PDZD2: variants seen among roughly 807,000 people sequenced by gnomAD.
PDZD2 encodes the protein PDZ domain-containing protein 2.
In PDZD2, 90 loss-of-function variants were observed where a neutral mutation model predicts 220.7. The ratio of observed to expected loss-of-function variants is 0.41; its 90% CI spans 0.34 to 0.49. The LOEUF is 0.49. Ranked by LOEUF, PDZD2 falls within the 20% of genes least tolerant of loss-of-function variation. PDZD2 has a pLI of 0.28. For synonymous variants in PDZD2, 1,375 were observed against 1,450.5 expected (o/e 0.95, Z 1.18); for missense variants, 3,174 against 3,608.5 (o/e 0.88, Z 3.08).
At chr5:31,825,070 C>T (rs963423107) in intron 2 of PDZD2, among the ~76,000 whole-genome samples, 3 of 152,196 alleles carry the variant, frequency 2.0e-5, no homozygotes, top group African/African-American at 7.2e-5. Context: ...CGCATCCCCA[C>T]CTCCACCTCC....
At chr5:31,879,036 C>T (rs900232145) in intron 2 of PDZD2, among the ~76,000 whole-genome samples, 3 of 151,920 alleles carry the variant, frequency 2.0e-5, no homozygotes, top group East Asian at 1.9e-4. Context: ...TGGGGGTGGC[C>T]ACCCGTTTAT....
At chr5:32,002,905 C>CACA (rs1752348718) in intron 5 of PDZD2, among the ~76,000 whole-genome samples, 11 of 17,830 alleles carry the variant, frequency 6.2e-4, no homozygotes, top group Admixed American at 1.7e-3. Context: ...ACACACACCC[C>CACA]CACCACACAC....
chr5:31,744,669 A>T (rs1225779601), intron 1 of PDZD2, among the ~76,000 whole-genome samples: 2 of 151,958 alleles, frequency 1.3e-5, no homozygotes, highest in Non-Finnish European at 2.9e-5. Flanking sequence ...CCTTTTTTGC[A>T]TGCATAATTA....
chr5:32,105,514 T>C (rs1271951467), intron 24 of PDZD2, among the ~76,000 whole-genome samples: 1 of 152,208 alleles, frequency 6.6e-6, no homozygotes, highest in East Asian at 1.9e-4. Context: ...TAAATTTCTA[T>C]CTGTAGCAGA....
chr5:31,920,103 A>T (rs146299987), intron 2 of PDZD2, among the ~76,000 whole-genome samples: 1 of 151,254 alleles, frequency 6.6e-6, no homozygotes, highest in East Asian at 2.0e-4. Context: ...GGGCAACGTG[A>T]CAAAACCACG....
chr5:31,824,667 C>T (rs1476225025), intron 2 of PDZD2, among the ~76,000 whole-genome samples: 1 of 146,230 alleles, frequency 6.8e-6, no homozygotes, highest in Non-Finnish European at 1.5e-5. Context: ...AATGTCAGTG[C>T]ATTACCTGTC....
intron 1 of PDZD2, among the ~76,000 whole-genome samples, chr5:31,656,282 T>C (rs999462263): frequency 6.6e-6 from 1 of 152,182 alleles, no homozygotes; most frequent in South Asian, 2.1e-4. Flanking sequence ...GAAAGTCTCA[T>C]TCCCTTTGAA....
At chr5:32,063,470 G>T (rs185857765) in intron 14 of PDZD2, among the ~76,000 whole-genome samples, 36 of 152,324 alleles carry the variant, frequency 2.4e-4, no homozygotes, top group Admixed American at 2.0e-3. Context: ...TGAACAGGAG[G>T]CAGAGGCACC....
chr5:31,685,573 G>T lies in PDZD2; in HGVS notation c.-361+46136G>T, dbSNP rs143219847. ...GGGTCTTACTCTGTCGCCCAGGCTG[G>T]AGTGCAATGGTGTTTTCTCAGCTCA... On this transcript the variant is annotated intron_variant, in intron 1 of 24. Transcript: ENST00000438447. 9.9e-3 allele frequency among the ~76,000 whole-genome samples: 1,514 copies of T among 152,206 alleles called. 31 individuals are homozygous for T. The highest frequency in any genetic ancestry group is 0.035 in the African/African-American group (1,449 of 41,530).
intron 1 of PDZD2, among the ~76,000 whole-genome samples, chr5:31,769,508 A>G (rs1402564582): frequency 6.6e-6 from 1 of 152,226 alleles, no homozygotes; most frequent in Non-Finnish European, 1.5e-5. Flanking sequence ...ACAGCCTCCA[A>G]GGTAAAAATA....
At chr5:31,821,691 T>A (rs1159441125) in intron 2 of PDZD2, among the ~76,000 whole-genome samples, 1 of 152,170 alleles carries the variant, frequency 6.6e-6, no homozygotes, top group African/African-American at 2.4e-5. Flanking sequence ...GATTTTTTTT[T>A]ATTACACTTT....
intron 2 of PDZD2, among the ~76,000 whole-genome samples, chr5:31,893,446 GT>G (rs1561548134): frequency 6.6e-6 from 1 of 152,136 alleles, no homozygotes; most frequent in Non-Finnish European, 1.5e-5. Flanking sequence ...GTCCACACTT[GT>G]AGTCCCAGCT....
chr5:31,776,681 C>G (rs1752676614), intron 1 of PDZD2, among the ~76,000 whole-genome samples: 1 of 149,824 alleles, frequency 6.7e-6, no homozygotes. Context: ...CGGAGTCTTG[C>G]TCTGTCGCCC....
chr5:31,721,994 A>G (rs2150148305), intron 1 of PDZD2, among the ~76,000 whole-genome samples: 1 of 152,012 alleles, frequency 6.6e-6, no homozygotes, highest in South Asian at 2.1e-4. Flanking sequence ...TCACCCCACA[A>G]GCTATCCATC....
intron 2 of PDZD2, among the ~76,000 whole-genome samples, chr5:31,867,816 T>C (rs2150319400): frequency 6.8e-6 from 1 of 146,700 alleles, no homozygotes; most frequent in South Asian, 2.1e-4. Context: ...GCCAGAGTCC[T>C]GATAAATCCC....
At position 31,861,080 on chromosome 5, in the gene PDZD2, C is replaced by A. The variant is rs528655846; in HGVS notation, c.476+61356C>A. ...GTGGAGTTTCTAGGGAAGGTATGCCCACTACCAAGAAAAAGACGCAAAATA... is the reference window on the plus strand; with the variant it reads ...GTGGAGTTTCTAGGGAAGGTATGCCAACTACCAAGAAAAAGACGCAAAATA... On this transcript the variant is annotated intron_variant, in intron 2 of 24. Coordinates refer to ENST00000438447, the MANE Select transcript of PDZD2 (RefSeq NM_178140.4). Among the ~76,000 whole-genome samples, 11 of 152,260 alleles carry A rather than the reference C, an allele frequency of 7.2e-5. No individual in the cohort carries two copies. In the South Asian group the frequency reaches 2.1e-3, roughly 29 times the overall value.
Position 31,891,132 on chromosome 5 carries a change from T to A in PDZD2, c.476+91408T>A, listed in dbSNP as rs1253027579. ...GCAAAGCTCAGGGGTTTTTCCTTTTTTTTTTTTTTTTTTTTTTTTTTTGAG... is the reference window on the plus strand; with the variant it reads ...GCAAAGCTCAGGGGTTTTTCCTTTTATTTTTTTTTTTTTTTTTTTTTTGAG... On this transcript the variant is annotated intron_variant, in intron 2 of 24. Coordinates refer to ENST00000438447, the MANE Select transcript of PDZD2 (RefSeq NM_178140.4). Among the ~76,000 whole-genome samples the A allele has an allele frequency of 1.7e-3, 65 of 38,706 alleles. 4 individuals are homozygous for A. Among genetic ancestry groups the A allele is most frequent in the East Asian group, 4.2e-3 (7 of 1,658 alleles). 25.4% of individuals were successfully genotyped at this position (38,706 alleles called of 152,430 possible).
intron 19 of PDZD2, among the ~76,000 whole-genome samples, chr5:32,085,599 C>T (rs1742369227): frequency 6.6e-6 from 1 of 150,408 alleles, no homozygotes; most frequent in Non-Finnish European, 1.5e-5. Context: ...GCGTGTGCCA[C>T]CACACTCAGC....
At chr5:31,832,171 G>T (rs1756638538) in intron 2 of PDZD2, among the ~76,000 whole-genome samples, 1 of 152,164 alleles carries the variant, frequency 6.6e-6, no homozygotes, top group African/African-American at 2.4e-5. Context: ...TGGATTACAG[G>T]CATGAGCCTG....
Sources: gnomAD v4.1 joint callset for allele counts (sites outside exome capture counted in the v4.1 genomes callset) on GRCh38, gnomAD v4.1.1 for gene constraint, MANE v1.5 for transcripts, NCBI Gene and HGNC (gene_info 2026-07-23, HGNC 2026-07-21) for gene names.